Variants in PRUNE2 observed in about 807,000 individuals in gnomAD.
The protein encoded by PRUNE2 is protein prune homolog 2.
In PRUNE2, 164 loss-of-function variants were observed where a neutral mutation model predicts 252.0. The observed-to-expected ratio is 0.65, with a 90% CI of 0.57 to 0.74. The LOEUF (loss-of-function observed/expected upper bound fraction) is 0.74, where lower values mean the gene tolerates loss of function less well. PRUNE2 is among the 30% of genes least tolerant of loss of function. PRUNE2 has a pLI of 0.00. For missense variants in PRUNE2, 3,495 were observed against 3,711.0 expected (o/e 0.94, Z 1.51); for synonymous variants, 1,292 against 1,350.2 (o/e 0.96, Z 0.94).
At chr9:76,866,901 G>A (rs1017818460) in intron 1 of PRUNE2, among the ~76,000 whole-genome samples, 2 of 152,214 alleles carry the variant, frequency 1.3e-5, no homozygotes, top group Admixed American at 6.5e-5. Flanking sequence ...TGCCCTTTCC[G>A]CCCGGTGCTG....
chr9:76,822,956 A>G (rs1346546755), intron 6 of PRUNE2, among the ~76,000 whole-genome samples: 1 of 152,268 alleles, frequency 6.6e-6, no homozygotes, highest in African/African-American at 2.4e-5. Context: ...ATACAACAGT[A>G]AAGAAATACA....
intron 6 of PRUNE2, among the ~76,000 whole-genome samples, chr9:76,726,537 A>T (rs935496874): frequency 2.0e-5 from 3 of 152,232 alleles, no homozygotes; most frequent in Non-Finnish European, 4.4e-5. Context: ...CAATTTAGTT[A>T]ACTTTTATTT....
chr9:76,677,823 C>G (rs1157437777), intron 9 of PRUNE2, among the ~76,000 whole-genome samples: 1 of 152,092 alleles, frequency 6.6e-6, no homozygotes, highest in South Asian at 2.1e-4. Context: ...GAATCCATTC[C>G]CCGAGGTCAG....
intron 15 of PRUNE2, among the ~76,000 whole-genome samples, chr9:76,635,522 T>C (rs1395518178): frequency 8.5e-5 from 13 of 152,202 alleles, no homozygotes; most frequent in Admixed American, 7.8e-4. Context: ...TTAACAATTC[T>C]TGATTTTCAG....
intron 1 of PRUNE2, among the ~76,000 whole-genome samples, chr9:76,878,364 A>G (rs1236687240): frequency 6.6e-6 from 1 of 152,184 alleles, no homozygotes. Context: ...TGCTGTTATG[A>G]AGAAGCGATT....
intron 6 of PRUNE2, among the ~76,000 whole-genome samples, chr9:76,726,081 A>C (rs1407351036): frequency 6.6e-6 from 1 of 152,064 alleles, no homozygotes; most frequent in Admixed American, 6.5e-5. Context: ...GCCAACTGGC[A>C]TCCTCTACAC....
At position 76,851,373 on chromosome 9, in the gene PRUNE2, C is replaced by T. The variant is rs375059078; in HGVS notation, c.142-708G>A. Among the ~76,000 whole-genome samples the T allele has an allele frequency of 2.9e-3, 439 of 152,166 alleles. 3 individuals are homozygous for T. The highest frequency in any genetic ancestry group is 0.01 in the African/African-American group (424 of 41,530). On this transcript the variant is annotated intron_variant, in intron 2 of 18. Transcript: ENST00000376718. ...CCATCCTGGCTAACACGGTGAAACC[C>T]CATCTCTACTAAAAATACAAAAAAA...
chr9:76,833,079 A>C (rs572765797), intron 4 of PRUNE2, among the ~76,000 whole-genome samples: 1 of 152,296 alleles, frequency 6.6e-6, no homozygotes, highest in South Asian at 2.1e-4. Flanking sequence ...AAATTATCCC[A>C]AAGAATAGAA....
At chr9:76,669,932 G>A (rs1219623865) in intron 9 of PRUNE2, among the ~76,000 whole-genome samples, 4 of 152,144 alleles carry the variant, frequency 2.6e-5, no homozygotes, top group East Asian at 1.9e-4. Flanking sequence ...TACCCCAACT[G>A]CCAAGAGCTT....
chr9:76,703,968 C>A lies in PRUNE2; in HGVS notation c.7645G>T (p.Asp2549Tyr). The part of the protein sequence containing the change: ...KNEDRHALHM[D>Y]YILVNREENS... The stretch of plus-strand genomic sequence containing the variant: ...TCTTCACGGTTTACAAGTATGTAAT[C>A]CATGTGTAGTGCATGACGATCTTCA... The change falls in exon 9 of 19, where the codon GAT (aspartate) becomes TAT (tyrosine). Residue 2549 changes from aspartate (D) to tyrosine (Y), a missense_variant. Coordinates refer to ENST00000376718, the MANE Select transcript of PRUNE2 (RefSeq NM_015225.3). The A allele has an allele frequency of 1.2e-6, 2 of 1,613,954 alleles. No homozygotes were observed. The highest frequency in any genetic ancestry group is 1.7e-6 in the Non-Finnish European group (2 of 1,179,882).
intron 6 of PRUNE2, among the ~76,000 whole-genome samples, chr9:76,803,328 A>G (rs1174718801): frequency 6.6e-6 from 1 of 152,188 alleles, no homozygotes; most frequent in Non-Finnish European, 1.5e-5. Context: ...AAGGGACAAG[A>G]CCACCTTCCT....
At chr9:76,739,899 C>T (rs909512913) in intron 6 of PRUNE2, 1 of 151,148 alleles carries the variant, frequency 6.6e-6, no homozygotes, top group African/African-American at 2.4e-5. Flanking sequence ...GTCTGGCCAA[C>T]ATAGTGAAAC....
At position 76,709,193 on chromosome 9, in the gene PRUNE2, A is replaced by C; in HGVS notation, c.3081T>G (p.Pro1027=). The part of the protein sequence containing the change: ...QSSRNRISSG[P]GNLDMWASPH... ...GTGAAGCCCACATGTCTAGGTTCCCAGGACCTGAACTGATTCGATTTCGAG... is the reference window on the plus strand; with the variant it reads ...GTGAAGCCCACATGTCTAGGTTCCCCGGACCTGAACTGATTCGATTTCGAG... The change falls in exon 8 of 19, where the codon CCT becomes CCG. Residue 1027 remains proline, a synonymous_variant. Transcript: ENST00000376718. 1 of 1,613,728 alleles carries C rather than the reference A, an allele frequency of 6.2e-7. No homozygotes were observed. The highest frequency in any genetic ancestry group is 8.5e-7 in the Non-Finnish European group (1 of 1,179,760).
chr9:76,796,863 A>G (rs566995924), intron 6 of PRUNE2, among the ~76,000 whole-genome samples: 1 of 152,346 alleles, frequency 6.6e-6, no homozygotes, highest in African/African-American at 2.4e-5. Flanking sequence ...GCAGAACTTC[A>G]GTCTTTTCTG....
chr9:76,713,477 C>T, intron 7 of PRUNE2, 86 bp downstream of exon 7: 3 of 1,108,566 alleles, frequency 2.7e-6, no homozygotes, highest in Non-Finnish European at 3.6e-6. Flanking sequence ...TCATGAGCCA[C>T]CAATCTGTTC....
chr9:76,637,564 G>A lies in PRUNE2; in HGVS notation c.8832-15C>T, dbSNP rs781251188. On this transcript the variant is annotated splice_polypyrimidine_tract_variant and intron_variant, in intron 13 of 18. Coordinates refer to ENST00000376718, the MANE Select transcript of PRUNE2 (RefSeq NM_015225.3). ...TTATTACATATCTGATCACAGGAAG[G>A]AAGAGGAATGTTTTCAGTTCCCACA... 1.2e-6 allele frequency: 2 copies of A among 1,605,812 alleles called. No individual in the cohort carries two copies. Among genetic ancestry groups the A allele is most frequent in the East Asian group, 4.5e-5 (2 of 44,702 alleles).
At chr9:76,713,531 G>A (rs201121819) in intron 7 of PRUNE2, 32 bp downstream of exon 7, 3 of 1,582,242 alleles carry the variant, frequency 1.9e-6, no homozygotes, top group Non-Finnish European at 2.6e-6. Context: ...TTAGGACAGA[G>A]GGAACATGAC....
intron 6 of PRUNE2, among the ~76,000 whole-genome samples, chr9:76,782,505 T>C (rs1166116719): frequency 6.6e-6 from 1 of 152,352 alleles, no homozygotes; most frequent in East Asian, 1.9e-4. Flanking sequence ...TACAGCATCT[T>C]CTTTACAGAG....
chr9:76,618,431 A>G (rs1156856070), intron 18 of PRUNE2, among the ~76,000 whole-genome samples: 1 of 152,234 alleles, frequency 6.6e-6, no homozygotes, highest in Non-Finnish European at 1.5e-5. Flanking sequence ...AACAAGGGCA[A>G]TGTTAAATTC....
Sources: gnomAD v4.1 joint callset for allele counts (sites outside exome capture counted in the v4.1 genomes callset) on GRCh38, gnomAD v4.1.1 for gene constraint, MANE v1.5 for transcripts, NCBI Gene and HGNC (gene_info 2026-07-23, HGNC 2026-07-21) for gene names.